Variants in SS18L1 observed in about 807,000 individuals in gnomAD.
SS18L1 encodes calcium-responsive transactivator.
In SS18L1, 32 loss-of-function variants were observed where a neutral mutation model predicts 70.3. The observed-to-expected ratio is 0.46, with a 90% CI of 0.34 to 0.61. The LOEUF (loss-of-function observed/expected upper bound fraction) is 0.61. SS18L1 is among the 20% of genes least tolerant of loss of function. The pLI is 0.01. For synonymous variants in SS18L1, 237 were observed against 229.7 expected (o/e 1.03, Z -0.29); for missense variants, 430 against 542.1 (o/e 0.79, Z 2.05).
chr20:62,154,804 G>T (rs1485611535), intron 1 of SS18L1, among the ~76,000 whole-genome samples: 1 of 152,132 alleles, frequency 6.6e-6, no homozygotes, highest in Non-Finnish European at 1.5e-5. Context: ...GGATTTGGGG[G>T]TGATTTCTTC....
chr20:62,171,104 A>G (rs957986451), intron 8 of SS18L1, among the ~76,000 whole-genome samples: 5 of 151,932 alleles, frequency 3.3e-5, no homozygotes, highest in Admixed American at 6.6e-5. Flanking sequence ...GGGTTTCACC[A>G]TGTTAGCCAG....
At chr20:62,179,066 G>A (rs1601068178) in intron 10 of SS18L1, 116 bp from the exon 11 acceptor site, 1 of 1,131,270 alleles carries the variant, frequency 8.8e-7, no homozygotes, top group Non-Finnish European at 1.3e-6. Flanking sequence ...AGAGATGTGA[G>A]CAGAGGTTGT....
intron 10 of SS18L1, among the ~76,000 whole-genome samples, chr20:62,175,720 A>G (rs1568768106): frequency 6.6e-6 from 1 of 152,238 alleles, no homozygotes; most frequent in East Asian, 1.9e-4. Context: ...TGGGTAGGTA[A>G]GAGGCCAAAG....
Position 62,174,941 on chromosome 20 carries a change from T to C in SS18L1, c.1164+297T>C, listed in dbSNP as rs1014053158. The stretch of plus-strand genomic sequence containing the variant: ...TCACGTACTGGGTACGCGTCCGGTC[T>C]CTGCTGAGTGCTTGGTGTGTGGCCG... On this transcript the variant is annotated intron_variant, in intron 10 of 10. Transcript: ENST00000331758. This position sits in a 1 kb window ranked among gnomAD's most constrained non-coding sequence, Gnocchi z 4.1. 2 of 980,822 alleles carry C rather than the reference T, an allele frequency of 2.0e-6. No homozygotes were observed. Among genetic ancestry groups the C allele is most frequent in the African/African-American group, 3.5e-5 (2 of 57,152 alleles). 60.8% of individuals were successfully genotyped at this position (980,822 alleles called of 1,614,324 possible). A position where few individuals can be genotyped will look rare whatever the true frequency, so the allele number is the denominator to read the frequency against.
intron 1 of SS18L1, among the ~76,000 whole-genome samples, chr20:62,150,919 G>A (rs1160907110): frequency 1.3e-5 from 2 of 152,106 alleles, no homozygotes; most frequent in Admixed American, 1.3e-4. Flanking sequence ...GGCAGAGCTG[G>A]CCTCTGGGGA....
chr20:62,177,620 G>A (rs1287660334), intron 10 of SS18L1, among the ~76,000 whole-genome samples: 2 of 152,198 alleles, frequency 1.3e-5, no homozygotes, highest in East Asian at 3.8e-4. Context: ...GCAGTCTCCC[G>A]AGTGGCTTTC....
At position 62,174,443 on chromosome 20, in the gene SS18L1, A is replaced by C; in HGVS notation, c.1037-74A>C. 2 of 1,543,130 alleles carry C rather than the reference A, an allele frequency of 1.3e-6. No individual in the cohort carries two copies. Among genetic ancestry groups the C allele is most frequent in the Non-Finnish European group, 1.7e-6 (2 of 1,148,652 alleles). ...AAGGAGAAGAGGAAGTTTTAAAAAA[A>C]ATTTTTAAGTTAAGAAAAAAAAAGA... On this transcript the variant is annotated intron_variant, in intron 9 of 10. Coordinates refer to ENST00000331758, the MANE Select transcript of SS18L1 (RefSeq NM_198935.3). The surrounding 1 kb of genome is among the most constrained non-coding windows in gnomAD (Gnocchi z 4.1).
At chr20:62,144,025 C>A in intron 1 of SS18L1, 136 bp downstream of exon 1, 1 of 433,328 alleles carries the variant, frequency 2.3e-6, no homozygotes, top group Non-Finnish European at 3.1e-6. Flanking sequence ...GCCCCGACGG[C>A]GGCCCCGTGC....
At position 62,164,210 on chromosome 20, in the gene SS18L1, G is replaced by T. The variant is rs919740289; in HGVS notation, c.787G>T (p.Ala263Ser). ...CGAGCAGTACAGCCACAGCCAGGGC[G>T]CCGCGGAGCCCATGGGCCAGCAGTA... Reference protein sequence around the residue: ...YGEQYSHSQGAAEPMGQQYYP... With the variant: ...YGEQYSHSQGSAEPMGQQYYP... Residue 263 changes from alanine (A) to serine (S), a missense_variant, in exon 7 of 11, where the codon GCC becomes TCC. Physicochemically the swap from Ala to Ser is moderately conservative, Grantham distance 99. Transcript: ENST00000331758. 2 of 1,549,828 alleles carry T rather than the reference G, an allele frequency of 1.3e-6. No individual in the cohort carries two copies. Among genetic ancestry groups the T allele is most frequent in the African/African-American group, 1.4e-5 (1 of 73,148 alleles).
rs2145675438 is a variant in SS18L1 at position 62,144,152 on chromosome 20, G to A, written c.69+263G>A. 1.3e-5 allele frequency among the ~76,000 whole-genome samples: 2 copies of A among 151,286 alleles called. 1 individual carries two copies. The highest frequency in any genetic ancestry group is 6.8e-3 in the Middle Eastern group (2 of 292). On this transcript the variant is annotated intron_variant, in intron 1 of 10. Transcript: ENST00000331758. ...GCGGGTCCCTCGGGCCGGGGCACTG[G>A]GCGGTGGGGGCCGGGCGGACGCTGG... is the stretch of plus-strand genomic sequence containing the variant.
At chr20:62,153,753 C>T (rs1336566882) in intron 1 of SS18L1, among the ~76,000 whole-genome samples, 1 of 152,106 alleles carries the variant, frequency 6.6e-6, no homozygotes. Flanking sequence ...GGCTGCTCTC[C>T]GTGGGTCTCC....
At chr20:62,175,093 G>A (rs140641939) in intron 10 of SS18L1, among the ~76,000 whole-genome samples, 34 of 152,366 alleles carry the variant, frequency 2.2e-4, no homozygotes, top group Admixed American at 6.5e-4. Context: ...AGATGGGGGC[G>A]CAGGCGACCG....
At position 62,159,757 on chromosome 20, in the gene SS18L1, G is replaced by C. The variant is rs1310689591; in HGVS notation, c.147-120G>C. On this transcript the variant is annotated intron_variant, in intron 2 of 10. Coordinates refer to ENST00000331758, the MANE Select transcript of SS18L1 (RefSeq NM_198935.3). The surrounding 1 kb of genome is among the most constrained non-coding windows in gnomAD (Gnocchi z 4.4). The stretch of plus-strand genomic sequence containing the variant: ...CAGCTGGGTGTCATCTGGGGTCCAT[G>C]TCCTCATGGGGTTTGGCTGGATGTC... The C allele has an allele frequency of 3.2e-6, 3 of 950,790 alleles. No homozygotes were observed. Among genetic ancestry groups the C allele is most frequent in the Non-Finnish European group, 4.7e-6 (3 of 639,386 alleles). 58.9% of individuals were successfully genotyped at this position (950,790 alleles called of 1,614,324 possible).
rs774898250 is a variant in SS18L1, at chr20:62,163,446, C to G, written c.557-12C>G. 13 of 1,611,810 alleles carry G rather than the reference C, an allele frequency of 8.1e-6. No individual in the cohort carries two copies. Among genetic ancestry groups the G allele is most frequent in the Middle Eastern group, 1.7e-4 (1 of 5,720 alleles). On this transcript the variant is annotated splice_polypyrimidine_tract_variant and intron_variant, in intron 5 of 10. Coordinates refer to ENST00000331758, the MANE Select transcript of SS18L1 (RefSeq NM_198935.3). ...TCCCGGGGTGATGTGGGGCCTCTGT[C>G]CTGTCGTTCAGTCTCCATGATGCAG...
chr20:62,165,557 C>T (rs1344024803), intron 8 of SS18L1, 43 bp downstream of exon 8: 2 of 1,568,000 alleles, frequency 1.3e-6, no homozygotes, highest in Non-Finnish European at 1.7e-6. Flanking sequence ...GTAAGCGCCA[C>T]ACGCAGCAGA....
At chr20:62,163,841 G>A (rs748277296) in intron 6 of SS18L1, among the ~76,000 whole-genome samples, 1 of 152,034 alleles carries the variant, frequency 6.6e-6, no homozygotes, top group Non-Finnish European at 1.5e-5. Flanking sequence ...AGTCAGTGTT[G>A]GGGGCAGGGG....
rs1450532568 is a variant in SS18L1 at position 62,167,179 on chromosome 20, C to T, written c.916+1665C>T. 2.7e-5 allele frequency among the ~76,000 whole-genome samples: 4 copies of T among 149,326 alleles called. 1 individual carries two copies. The highest frequency in any genetic ancestry group is 4.9e-5 in the African/African-American group (2 of 40,730). On this transcript the variant is annotated intron_variant, in intron 8 of 10. Transcript: ENST00000331758. ...TCCTGCCTCAGCCTCTTGAGTAGCT[C>T]GGATTACAGGCCCCGCCACCACACC...
At chr20:62,151,532 C>G (rs896888053) in intron 1 of SS18L1, among the ~76,000 whole-genome samples, 1 of 152,222 alleles carries the variant, frequency 6.6e-6, no homozygotes, top group Non-Finnish European at 1.5e-5. Flanking sequence ...GGTGACCACG[C>G]AGAGAGGGAG....
intron 1 of SS18L1, among the ~76,000 whole-genome samples, chr20:62,147,621 T>C (rs1295996037): frequency 6.6e-6 from 1 of 152,158 alleles, no homozygotes; most frequent in African/African-American, 2.4e-5. Context: ...GCCTGTCTGC[T>C]GGGTGTCTGG....
Sources: allele counts gnomAD v4.1 joint callset (sites outside exome capture counted in the v4.1 genomes callset), GRCh38; gene constraint gnomAD v4.1.1; non-coding constraint Gnocchi (gnomAD v3.1); transcripts MANE v1.5; gene names NCBI Gene and HGNC (gene_info 2026-07-23, HGNC 2026-07-21).